The following CRYBG1 variants were observed in gnomAD, a reference collection of about 807,000 sequenced individuals.
CRYBG1 encodes the protein crystallin beta-gamma domain containing 1.
CRYBG1 carries 139 observed loss-of-function variants against 189.2 expected under a neutral mutation model. The ratio of observed to expected loss-of-function variants is 0.73; its 90% CI spans 0.64 to 0.85. The LOEUF (loss-of-function observed/expected upper bound fraction) is 0.85. CRYBG1 is among the 40% of genes least tolerant of loss of function. The probability of loss-of-function intolerance (pLI) is 0.00; values close to 1 mark genes in which losing one functional copy is unlikely to be tolerated. For missense variants in CRYBG1, 2,611 were observed against 2,675.8 expected, an observed-to-expected ratio of 0.98 and a Z score of 0.53; for synonymous variants, 1,023 against 1,017.1, an observed-to-expected ratio of 1.01 and a Z score of -0.11.
chr6:106,560,611 T>A (rs1054502446), intron 18 of CRYBG1, among the ~76,000 whole-genome samples, 192 bp from the exon 19 acceptor site: 1 of 152,226 alleles, frequency 6.6e-6, no homozygotes. Context: ...GCATAAGTAC[T>A]CATGTAACAA....
At chr6:106,541,206 C>T in intron 9 of CRYBG1, 1 of 479,524 alleles carries the variant, frequency 2.1e-6, no homozygotes, top group South Asian at 1.5e-5. Context: ...GAACTGAGGG[C>T]AGGATCGTTA....
At chr6:106,409,921 C>T (rs1241087292) in intron 1 of CRYBG1, among the ~76,000 whole-genome samples, 1 of 152,070 alleles carries the variant, frequency 6.6e-6, no homozygotes, top group Non-Finnish European at 1.5e-5. Context: ...CATAGATACC[C>T]CAGAAGAAAA....
At chr6:106,383,856 A>G (rs772699961) in intron 1 of CRYBG1, among the ~76,000 whole-genome samples, 1 of 152,220 alleles carries the variant, frequency 6.6e-6, no homozygotes, top group Non-Finnish European at 1.5e-5. Context: ...GTTGATGACT[A>G]TCTGGGCTGG....
intron 8 of CRYBG1, among the ~76,000 whole-genome samples, chr6:106,537,099 A>G (rs1247764793): frequency 6.6e-6 from 1 of 152,124 alleles, no homozygotes; most frequent in Non-Finnish European, 1.5e-5. Flanking sequence ...ATTCCCCTCT[A>G]CCCAGAATGA....
chr6:106,496,970 G>A (rs1772865426), intron 2 of CRYBG1, among the ~76,000 whole-genome samples: 1 of 152,202 alleles, frequency 6.6e-6, no homozygotes, highest in South Asian at 2.1e-4. Flanking sequence ...AGCAGTGTTT[G>A]CAAAACGCAA....
At chr6:106,500,989 T>C (rs1461010259) in intron 2 of CRYBG1, among the ~76,000 whole-genome samples, 1 of 152,234 alleles carries the variant, frequency 6.6e-6, no homozygotes, top group Non-Finnish European at 1.5e-5. Flanking sequence ...CTCTTGATTG[T>C]TGATAGGCTG....
At chr6:106,515,145 A>G (rs189690197) in intron 3 of CRYBG1, among the ~76,000 whole-genome samples, 16 of 152,360 alleles carry the variant, frequency 1.1e-4, no homozygotes, top group Admixed American at 1.0e-3. Flanking sequence ...TTCTCTACCA[A>G]GTGCTGAATG....
chr6:106,462,797 A>T (rs982595060), intron 2 of CRYBG1, among the ~76,000 whole-genome samples: 2 of 152,198 alleles, frequency 1.3e-5, no homozygotes, highest in African/African-American at 4.8e-5. Context: ...TGTTGTCTTA[A>T]GATTGAGTGG....
At chr6:106,389,160 G>T (rs1285134487) in intron 1 of CRYBG1, among the ~76,000 whole-genome samples, 2 of 151,650 alleles carry the variant, frequency 1.3e-5, no homozygotes, top group Non-Finnish European at 1.5e-5. Context: ...CTTTTTTTTA[G>T]ATTAAAAATT....
chr6:106,495,831 A>C (rs1010290178), intron 2 of CRYBG1, among the ~76,000 whole-genome samples: 1 of 150,960 alleles, frequency 6.6e-6, no homozygotes, highest in Admixed American at 6.6e-5. Flanking sequence ...AAAAAAAAAA[A>C]AAAAAACAAC....
Position 106,511,718 on chromosome 6 carries a change from G to A in CRYBG1, c.601G>A (p.Gly201Ser), listed in dbSNP as rs1212128643. 2.0e-6 allele frequency: 3 copies of A among 1,535,536 alleles called. No homozygotes were observed. Among genetic ancestry groups the A allele is most frequent in the Admixed American group, 3.9e-5 (2 of 50,978 alleles). The change falls in exon 3 of 22, where the codon GGT (glycine) becomes AGT (serine). Residue 201 changes from glycine (G) to serine (S), a missense_variant. Coordinates refer to ENST00000633556, the MANE Select transcript of CRYBG1 (RefSeq NM_001371242.2). ...GGCAGAGGGCGAGCTCCCCGAGAGC[G>A]GTGGCCCCGCAGCCCCCCCTGACGC... Reference protein sequence around the residue: ...REAEGELPESGGPAAPPDAEL... With the variant: ...REAEGELPESSGPAAPPDAEL...
chr6:106,417,554 G>T (rs1017417658), intron 1 of CRYBG1, among the ~76,000 whole-genome samples: 1 of 152,214 alleles, frequency 6.6e-6, no homozygotes, highest in Non-Finnish European at 1.5e-5. Context: ...AGATAACCAA[G>T]GCACTTACCC....
intron 2 of CRYBG1, among the ~76,000 whole-genome samples, chr6:106,510,666 G>T (rs1173559124): frequency 6.6e-6 from 1 of 152,208 alleles, no homozygotes; most frequent in Non-Finnish European, 1.5e-5. Flanking sequence ...GGCTCTAGGG[G>T]GCGGTGAGCA....
intron 8 of CRYBG1, among the ~76,000 whole-genome samples, chr6:106,536,178 G>A (rs976745927): frequency 2.6e-5 from 4 of 152,180 alleles, no homozygotes; most frequent in Non-Finnish European, 4.4e-5. Context: ...TCTGTTGCCC[G>A]AATTTCCTAT....
intron 4 of CRYBG1, among the ~76,000 whole-genome samples, chr6:106,521,866 G>A (rs776007760): frequency 2.0e-5 from 3 of 151,912 alleles, no homozygotes; most frequent in Admixed American, 6.6e-5. Context: ...ATGCAGGCGC[G>A]TGCCACCACG....
intron 2 of CRYBG1, among the ~76,000 whole-genome samples, chr6:106,506,063 C>G (rs1351444949): frequency 6.6e-6 from 1 of 152,142 alleles, no homozygotes; most frequent in South Asian, 2.1e-4. Context: ...ACCTGTGCAC[C>G]GGTAGCTCCA....
chr6:106,513,121 A>G, intron 3 of CRYBG1, 82 bp downstream of exon 3: 3 of 1,459,548 alleles, frequency 2.1e-6, no homozygotes, highest in East Asian at 4.9e-5. Context: ...GGGTATCTGC[A>G]TTGTGGAAGA....
At position 106,511,442 on chromosome 6, in the gene CRYBG1, C is replaced by T. The variant is rs1378148117; in HGVS notation, c.325C>T (p.Pro109Ser). The T allele has an allele frequency of 6.5e-7, 1 of 1,535,252 alleles. No individual in the cohort carries two copies. The highest frequency in any genetic ancestry group is 8.7e-7 in the Non-Finnish European group (1 of 1,146,402). Residue 109 changes from proline (P) to serine (S), a missense_variant, in exon 3 of 22, where the codon CCT (proline) becomes TCT (serine). Physicochemically the swap from Pro to Ser is moderately conservative, Grantham distance 74. Coordinates refer to ENST00000633556, the MANE Select transcript of CRYBG1 (RefSeq NM_001371242.2). The part of the protein sequence containing the change: ...SGIFKKSRAQ[P>S]PEDNRRKPVL... Reference sequence around the variant, plus strand: ...TTTTATTTTTCAGTCCAGAGCACAACCTCCAGAAGACAACAGAAGGAAGCC... The same window carrying T: ...TTTTATTTTTCAGTCCAGAGCACAATCTCCAGAAGACAACAGAAGGAAGCC...
chr6:106,522,638 AT>A (rs1187364938), intron 4 of CRYBG1, among the ~76,000 whole-genome samples: 3 of 152,210 alleles, frequency 2.0e-5, no homozygotes, highest in Admixed American at 6.5e-5. Flanking sequence ...TAGGGTTTGT[AT>A]TCTGGTGGTC....
Sources: gnomAD v4.1 joint callset for allele counts (sites outside exome capture counted in the v4.1 genomes callset) on GRCh38, gnomAD v4.1.1 for gene constraint, MANE v1.5 for transcripts, NCBI Gene and HGNC (gene_info 2026-07-23, HGNC 2026-07-21) for gene names.